BRF1: variants seen among roughly 807,000 people sequenced by gnomAD.
The protein encoded by BRF1 is BRF1 general transcription factor IIIB subunit, also known as transcription factor IIIB 90 kDa subunit.
A neutral mutation model predicts 81.7 loss-of-function variants in BRF1; 59 were observed. The ratio of observed to expected loss-of-function variants is 0.72; its 90% CI spans 0.59 to 0.90. The LOEUF is 0.90. Among genes scored for constraint, BRF1 ranks in the 40% least tolerant of loss-of-function variants. The pLI, the probability that BRF1 is intolerant of heterozygous loss-of-function variation, is 0.00. For synonymous variants in BRF1, 491 were observed against 395.6 expected (o/e 1.24, Z -2.86); for missense variants, 1,050 against 936.3 (o/e 1.12, Z -1.58).
chr14:105,225,821 C>T lies in BRF1; in HGVS notation c.1048+248G>A, dbSNP rs879789689. ...CACCACCACGCCCAGCTAATTTTTG[C>T]ATTTGTAGTAGAGACAGGGTTTCAC... On this transcript the variant is annotated intron_variant, in intron 10 of 17. Transcript: ENST00000547530. Among the ~76,000 whole-genome samples, 32 of 152,070 alleles carry T rather than the reference C, an allele frequency of 2.1e-4. 1 individual carries two copies. Among genetic ancestry groups the T allele is most frequent in the Admixed American group, 1.2e-3 (19 of 15,252 alleles).
intron 15 of BRF1, among the ~76,000 whole-genome samples, chr14:105,215,643 C>A (rs1457319361): frequency 6.8e-6 from 1 of 146,170 alleles, no homozygotes; most frequent in South Asian, 2.2e-4. Flanking sequence ...CATACACAGA[C>A]ACAGGCACAC....
rs1473139657 is a variant in BRF1, at chr14:105,284,696, G to A, written c.265+1600C>T. The stretch of plus-strand genomic sequence containing the variant: ...AGTATCCCTGCCTGGACTGACCCAC[G>A]GCCAACCCACACTCAATGGTGAAGA... On this transcript the variant is annotated intron_variant, in intron 2 of 17. Transcript: ENST00000547530. This position sits in a 1 kb window ranked among gnomAD's most constrained non-coding sequence, Gnocchi z 4.0. 1.3e-5 allele frequency among the ~76,000 whole-genome samples: 2 copies of A among 152,122 alleles called. No homozygotes were observed. Among genetic ancestry groups the A allele is most frequent in the African/African-American group, 2.4e-5 (1 of 41,426 alleles).
At chr14:105,258,092 C>T (rs2055969850) in intron 3 of BRF1, among the ~76,000 whole-genome samples, 1 of 152,228 alleles carries the variant, frequency 6.6e-6, no homozygotes, top group Non-Finnish European at 1.5e-5. Flanking sequence ...GACCAGCTAA[C>T]ACAAGATGTT....
At chr14:105,216,651 A>G (rs906330461) in intron 15 of BRF1, among the ~76,000 whole-genome samples, 1 of 152,212 alleles carries the variant, frequency 6.6e-6, no homozygotes, top group African/African-American at 2.4e-5. Flanking sequence ...TGGCCAGCCT[A>G]GCAGCTCAAA....
In BRF1 at chr14:105,313,489, C is replaced by T. The variant is rs587614160; in HGVS notation, c.-162+1833G>A. 1.9e-4 allele frequency among the ~76,000 whole-genome samples: 29 copies of T among 152,332 alleles called. No homozygotes were observed. In the South Asian group the frequency reaches 4.8e-3, roughly 25 times the overall value. Reference sequence around the variant, plus strand: ...GAAACACAGAGTCCCTTGTTCTCTCCGAAGTGGGACCCTGACTTTAAGCAG... The same window carrying T: ...GAAACACAGAGTCCCTTGTTCTCTCTGAAGTGGGACCCTGACTTTAAGCAG... On this transcript the variant is annotated intron_variant, in intron 1 of 17. Transcript: ENST00000327359.
At chr14:105,217,981 G>C (rs758662419) in intron 14 of BRF1, among the ~76,000 whole-genome samples, 181 bp from the exon 15 acceptor site, 1 of 152,196 alleles carries the variant, frequency 6.6e-6, no homozygotes, top group African/African-American at 2.4e-5. Context: ...GCCTGCCCAC[G>C]TCAAATCCTG....
chr14:105,214,984 C>T (rs904055032), intron 15 of BRF1, among the ~76,000 whole-genome samples: 1 of 152,238 alleles, frequency 6.6e-6, no homozygotes, highest in African/African-American at 2.4e-5. Context: ...CCCGCTGGAA[C>T]TGCCTGAGCT....
rs1263370479 is a variant in BRF1, at chr14:105,271,677, C to A, written c.439+1044G>T. ...ACAGAGCAGAGGAGGCTGGAAGGCTCTGGGCTCCCTGTCAAGAGGCCGAAG... is the reference window on the plus strand; with the variant it reads ...ACAGAGCAGAGGAGGCTGGAAGGCTATGGGCTCCCTGTCAAGAGGCCGAAG... On this transcript the variant is annotated intron_variant, in intron 3 of 17. Transcript: ENST00000547530. The surrounding 1 kb of genome is among the most constrained non-coding windows in gnomAD (Gnocchi z 5.5). 6.6e-6 allele frequency among the ~76,000 whole-genome samples: 1 copy of A among 152,200 alleles called. No homozygotes were observed. Among genetic ancestry groups the A allele is most frequent in the African/African-American group, 2.4e-5 (1 of 41,452 alleles).
chr14:105,249,752 G>A, intron 5 of BRF1: 1 of 1,613,904 alleles, frequency 6.2e-7, no homozygotes, highest in Non-Finnish European at 8.5e-7. Context: ...CAACTTTCTG[G>A]AGACAAGTTT....
At chr14:105,225,617 G>T (rs587636874) in intron 10 of BRF1, among the ~76,000 whole-genome samples, 1 of 151,704 alleles carries the variant, frequency 6.6e-6, no homozygotes, top group Non-Finnish European at 1.5e-5. Flanking sequence ...AAATGGCCCC[G>T]CAAAGCTGTC....
rs138789051 is a variant in BRF1, at chr14:105,282,195, G to T, written c.265+4101C>A. 2.0e-5 allele frequency among the ~76,000 whole-genome samples: 3 copies of T among 152,322 alleles called. No homozygotes were observed. The East Asian group carries it at 5.8e-4, about 29-fold the overall frequency. On this transcript the variant is annotated intron_variant, in intron 2 of 17. Coordinates refer to ENST00000547530, the MANE Select transcript of BRF1 (RefSeq NM_001519.4). ...AACCCCTTGGCAACCATCCCAGGGG[G>T]AAGGGGCAGGAGTTTCTCTCTCCCA... is the stretch of plus-strand genomic sequence containing the variant.
chr14:105,246,981 C>T (rs955612782), intron 5 of BRF1: 3 of 985,456 alleles, frequency 3.0e-6, no homozygotes, highest in African/African-American at 3.5e-5. Flanking sequence ...CCCACCACAA[C>T]CTGCTGATCC....
chr14:105,249,699 C>G, intron 5 of BRF1: 1 of 1,613,758 alleles, frequency 6.2e-7, no homozygotes, highest in South Asian at 1.1e-5. Flanking sequence ...ACTCTGTACG[C>G]TGCTAAGAAG....
chr14:105,250,759 T>G, intron 5 of BRF1: 1 of 1,363,516 alleles, frequency 7.3e-7, no homozygotes, highest in Non-Finnish European at 1.0e-6. Context: ...GAAAGGCTGC[T>G]CTTAACTTTG....
chr14:105,256,625 G>A (rs1327596345), intron 3 of BRF1, 76 bp from the exon 4 acceptor site: 14 of 1,576,346 alleles, frequency 8.9e-6, no homozygotes, highest in Middle Eastern at 2.2e-4. Context: ...GGGCAGGACC[G>A]CAGGACTGCA....
intron 3 of BRF1, among the ~76,000 whole-genome samples, chr14:105,265,807 G>A (rs1268975753): frequency 6.6e-5 from 10 of 151,434 alleles, no homozygotes; most frequent in African/African-American, 7.3e-5. Context: ...AAGCTGAGGC[G>A]GGAGAATGGT....
At chr14:105,282,131 G>A (rs1033925374) in intron 2 of BRF1, among the ~76,000 whole-genome samples, 4 of 152,138 alleles carry the variant, frequency 2.6e-5, no homozygotes, top group South Asian at 2.1e-4. Context: ...TGGTGGACCC[G>A]GAGCAGATGC....
At chr14:105,312,082 A>AG in intron 1 of BRF1, among the ~76,000 whole-genome samples, 1 of 152,350 alleles carries the variant, frequency 6.6e-6, no homozygotes, top group East Asian at 1.9e-4. Context: ...CGACTTCAGC[A>AG]GGGCCTGCTG....
At chr14:105,288,537 C>T (rs2140489810) in intron 1 of BRF1, among the ~76,000 whole-genome samples, 1 of 152,142 alleles carries the variant, frequency 6.6e-6, no homozygotes, top group East Asian at 1.9e-4. Context: ...CACCTGTGGT[C>T]CCAACACTTT....
Sources: gnomAD v4.1 joint callset for allele counts (sites outside exome capture counted in the v4.1 genomes callset) on GRCh38, gnomAD v4.1.1 for gene constraint, Gnocchi (gnomAD v3.1) non-coding constraint, MANE v1.5 for transcripts, NCBI Gene and HGNC (gene_info 2026-07-23, HGNC 2026-07-21) for gene names.